CCNH: variants seen among roughly 807,000 people sequenced by gnomAD.
The protein encoded by CCNH is cyclin H.
In CCNH, 31 loss-of-function variants were observed where a neutral mutation model predicts 41.9. The observed-to-expected ratio is 0.74, with a 90% CI of 0.56 to 1.00. The LOEUF (loss-of-function observed/expected upper bound fraction) is 1.00. CCNH is among the 50% of genes least tolerant of loss of function. The probability of loss-of-function intolerance (pLI) is 0.00; values close to 1 mark genes in which losing one functional copy is unlikely to be tolerated. For missense variants in CCNH, 362 were observed against 388.4 expected, an observed-to-expected ratio of 0.93 and a Z score of 0.57; for synonymous variants, 138 against 136.1, an observed-to-expected ratio of 1.01 and a Z score of -0.10.
intron 1 of CCNH, 151 bp downstream of exon 1, chr5:87,412,527 A>C: frequency 1.4e-6 from 2 of 1,443,560 alleles, no homozygotes; most frequent in Non-Finnish European, 1.8e-6. Context: ...GGAACCTGGC[A>C]AGGTGCTCGC....
chr5:87,332,431 A>G, intron 9 of CCNH: 2 of 1,405,332 alleles, frequency 1.4e-6, no homozygotes, highest in Admixed American at 3.6e-5. Context: ...ATGGATTTAT[A>G]ATTTCTTTAT....
intron 9 of CCNH, among the ~76,000 whole-genome samples, chr5:87,324,642 C>T (rs1757084912): frequency 6.6e-6 from 1 of 152,166 alleles, no homozygotes; most frequent in South Asian, 2.1e-4. Context: ...TACATACACA[C>T]ATGCACGCAT....
At chr5:87,378,270 G>C, upstream of CCNH, 1 of 1,071,990 alleles carries the variant, frequency 9.3e-7, no homozygotes. Context: ...TACTTTCAAC[G>C]CTGCACGCAA....
At position 87,353,146 on chromosome 5, in the gene CCNH, T is replaced by C. The variant is rs1019435558; in HGVS notation, c.*91-34249A>G. ...GAGACAGATTAATACTAGAAATTTTTATTTTAACAGCATTGGGGACATCAT... is the reference window on the plus strand; with the variant it reads ...GAGACAGATTAATACTAGAAATTTTCATTTTAACAGCATTGGGGACATCAT... On this transcript the variant is annotated intron_variant and NMD_transcript_variant, in intron 9 of 9. Transcript: ENST00000645953. The C allele has an allele frequency of 1.9e-6, 3 of 1,598,966 alleles. No homozygotes were observed. The highest frequency in any genetic ancestry group is 2.7e-5 in the African/African-American group (2 of 74,592).
intron 9 of CCNH, among the ~76,000 whole-genome samples, chr5:87,348,244 T>A (rs913127781): frequency 6.6e-6 from 1 of 152,068 alleles, no homozygotes; most frequent in South Asian, 2.1e-4. Flanking sequence ...TTACTGAACA[T>A]GAAGTTACTT....
intron 9 of CCNH, among the ~76,000 whole-genome samples, chr5:87,348,697 C>T (rs539660757): frequency 6.6e-6 from 1 of 151,178 alleles, no homozygotes; most frequent in East Asian, 1.9e-4. Flanking sequence ...GTATCAAACT[C>T]CTGGGCTCAA....
chr5:87,329,133 A>G (rs941214001), intron 9 of CCNH, among the ~76,000 whole-genome samples: 8 of 152,058 alleles, frequency 5.3e-5, no homozygotes, highest in African/African-American at 1.9e-4. Context: ...TAATGCTCAG[A>G]TCTTAGAAAG....
intron 9 of CCNH, among the ~76,000 whole-genome samples, chr5:87,357,843 G>GT (rs754664406): frequency 2.6e-5 from 4 of 152,174 alleles, no homozygotes; most frequent in Non-Finnish European, 5.9e-5. Context: ...CCTCCAATTG[G>GT]TTTTGCAGAA....
chr5:87,397,184 A>G (rs1262096310), intron 7 of CCNH, among the ~76,000 whole-genome samples: 2 of 149,062 alleles, frequency 1.3e-5, no homozygotes. Context: ...TTTTTTTGAG[A>G]CAGAGTCTTG....
upstream of CCNH, chr5:87,378,584 T>G (rs1211093883): frequency 2.6e-6 from 4 of 1,526,708 alleles, no homozygotes; most frequent in African/African-American, 1.4e-5. Flanking sequence ...AGAACATATT[T>G]TAATAGGTAA....
At chr5:87,391,287 C>T (rs1762497844), downstream of CCNH, 1 of 374,468 alleles carries the variant, frequency 2.7e-6, no homozygotes, top group Admixed American at 4.3e-5. Flanking sequence ...TTCTTATTGA[C>T]AATTGTGTAT....
downstream of CCNH, among the ~76,000 whole-genome samples, chr5:87,389,708 T>C (rs560581932): frequency 2.0e-5 from 3 of 152,328 alleles, no homozygotes; most frequent in South Asian, 6.2e-4. Context: ...ATGATGTACA[T>C]TTAATACTGA....
Position 87,383,896 on chromosome 5 carries a change from C to T in CCNH, c.*90+8874G>A, listed in dbSNP as rs922423909. 44 of 913,846 alleles carry T rather than the reference C, an allele frequency of 4.8e-5. No individual in the cohort carries two copies. In the East Asian group the frequency reaches 1.2e-3, roughly 24 times the overall value. The allele number at this position is 913,846 out of a possible 1,614,324, so 56.6% of individuals were successfully genotyped here. A position where few individuals can be genotyped will look rare whatever the true frequency, so the allele number is the denominator to read the frequency against. On this transcript the variant is annotated intron_variant and NMD_transcript_variant, in intron 9 of 9. Coordinates refer to the CCNH transcript ENST00000645953. ...TTTGATCATCCAATTCTAGTCATGG[C>T]ATATATGAAGTATTCCAAAGCACCC...
chr5:87,383,361 C>T (rs1302702963), intron 9 of CCNH, among the ~76,000 whole-genome samples: 1 of 152,026 alleles, frequency 6.6e-6, no homozygotes, highest in African/African-American at 2.4e-5. Context: ...CTTAAGATTC[C>T]TGAGGATACT....
At chr5:87,386,642 A>T (rs531156081), downstream of CCNH, among the ~76,000 whole-genome samples, 69 of 152,166 alleles carry the variant, frequency 4.5e-4, no homozygotes, top group African/African-American at 1.6e-3. Context: ...ATTCTTGTGA[A>T]TGTGTTGCTG....
At chr5:87,341,178 CAT>C (rs1384453242) in intron 9 of CCNH, 1 of 554,840 alleles carries the variant, frequency 1.8e-6, no homozygotes, top group Non-Finnish European at 2.8e-6. Flanking sequence ...TTTATATAAA[CAT>C]AAATAAGGAT....
chr5:87,322,815 A>G (rs1271833872), intron 9 of CCNH, among the ~76,000 whole-genome samples: 1 of 152,260 alleles, frequency 6.6e-6, no homozygotes, highest in Non-Finnish European at 1.5e-5. Context: ...AACCACATAC[A>G]TAAATAAAAT....
chr5:87,412,468 T>C (rs1277276189), intron 1 of CCNH: 5 of 1,413,624 alleles, frequency 3.5e-6, no homozygotes, highest in Non-Finnish European at 4.6e-6. Context: ...GACTGGTTAC[T>C]TGTCTGCCAT....
chr5:87,396,270 C>T (rs1022090843), intron 7 of CCNH, among the ~76,000 whole-genome samples: 1 of 151,916 alleles, frequency 6.6e-6, no homozygotes, highest in South Asian at 2.1e-4. Context: ...AGTCCTGAAA[C>T]CAATCCCCCA....
Sources: gnomAD v4.1 joint callset for allele counts (sites outside exome capture counted in the v4.1 genomes callset) on GRCh38, gnomAD v4.1.1 for gene constraint, MANE v1.5 for transcripts, NCBI Gene and HGNC (gene_info 2026-07-23, HGNC 2026-07-21) for gene names.